Variants in MYO1E observed in about 807,000 individuals in gnomAD.
The protein encoded by MYO1E is myosin IE, also known as unconventional myosin-Ie.
A neutral mutation model predicts 151.1 loss-of-function variants in MYO1E; 68 were observed. The observed-to-expected ratio is 0.45, with a 90% CI of 0.37 to 0.55. MYO1E has a LOEUF of 0.55. MYO1E is among the 20% of genes least tolerant of loss of function. The pLI is 0.00. For missense variants in MYO1E, 1,363 were observed against 1,389.3 expected, an observed-to-expected ratio of 0.98 and a Z score of 0.30; for synonymous variants, 601 against 501.7, an observed-to-expected ratio of 1.20 and a Z score of -2.64.
At chr15:59,284,148 G>C (rs1478018922) in intron 1 of MYO1E, among the ~76,000 whole-genome samples, 6 of 152,204 alleles carry the variant, frequency 3.9e-5, no homozygotes, top group Non-Finnish European at 5.9e-5. Flanking sequence ...CTGGGGCATG[G>C]GAGTGCCCAA....
At chr15:59,236,419 CAAACACACAT>C (rs1382636760) in intron 5 of MYO1E, among the ~76,000 whole-genome samples, 156 bp downstream of exon 5, 5 of 137,838 alleles carry the variant, frequency 3.6e-5, no homozygotes, top group African/African-American at 1.4e-4. Flanking sequence ...CACACACACA[CAAACACACAT>C]ACATATGCTA....
intron 4 of MYO1E, among the ~76,000 whole-genome samples, chr15:59,245,092 G>T (rs537185668): frequency 1.3e-5 from 2 of 152,302 alleles, no homozygotes; most frequent in Non-Finnish European, 2.9e-5. Flanking sequence ...GGGATGGCGA[G>T]GTCAAAGGCC....
intron 25 of MYO1E, among the ~76,000 whole-genome samples, chr15:59,155,988 G>A (rs1338613227): frequency 6.6e-6 from 1 of 152,040 alleles, no homozygotes; most frequent in Admixed American, 6.5e-5. Context: ...TCATGTCTCA[G>A]CCTTGTGAGT....
chr15:59,250,087 G>C (rs1350005227), intron 4 of MYO1E, among the ~76,000 whole-genome samples: 1 of 143,758 alleles, frequency 7.0e-6, no homozygotes, highest in African/African-American at 2.8e-5. Flanking sequence ...CACAGCCCTG[G>C]TGCAGAAGAG....
At chr15:59,252,447 G>T (rs1041319756) in intron 4 of MYO1E, among the ~76,000 whole-genome samples, 3 of 152,160 alleles carry the variant, frequency 2.0e-5, no homozygotes, top group Admixed American at 6.5e-5. Context: ...GGGTGCAGTG[G>T]CTCATGCCTG....
intron 1 of MYO1E, among the ~76,000 whole-genome samples, chr15:59,337,168 G>A (rs6494099): frequency 0.5 from 75,976 of 152,064 alleles, 23,197 homozygotes; most frequent in African/African-American, 0.83. Flanking sequence ...GAATATTTCC[G>A]TTTTACAGAT....
chr15:59,338,779 T>C (rs1257613428), intron 1 of MYO1E, among the ~76,000 whole-genome samples: 1 of 152,192 alleles, frequency 6.6e-6, no homozygotes, highest in Non-Finnish European at 1.5e-5. Flanking sequence ...TGAAACTACC[T>C]ACAAAGGTCT....
rs200872403 is a variant in MYO1E at position 59,236,420 on chromosome 15, A to G, written c.420+165T>C. 8.9e-4 allele frequency among the ~76,000 whole-genome samples: 128 copies of G among 144,516 alleles called. 1 individual carries two copies. The East Asian group carries it at 0.022, about 25-fold the overall frequency. 94.8% of individuals were successfully genotyped at this position (144,516 alleles called of 152,430 possible). ...CACACACACACACACACACACACACAAACACACATACATATGCTATTCCTT... is the reference window on the plus strand; with the variant it reads ...CACACACACACACACACACACACACGAACACACATACATATGCTATTCCTT... On this transcript the variant is annotated intron_variant, in intron 5 of 27. Transcript: ENST00000288235.
chr15:59,216,691 T>TACACAC (rs199582846), intron 10 of MYO1E, among the ~76,000 whole-genome samples: 755 of 56,494 alleles, frequency 0.013, 9 homozygotes, highest in Non-Finnish European at 0.015. Context: ...TATATACACA[T>TACACAC]ACACACACAC....
At chr15:59,145,883 C>A (rs542614757) in intron 26 of MYO1E, among the ~76,000 whole-genome samples, 15 of 152,290 alleles carry the variant, frequency 9.8e-5, no homozygotes, top group African/African-American at 3.6e-4. Flanking sequence ...ACAGTTCAGG[C>A]CTTTTCCTCC....
chr15:59,305,415 G>C (rs562329404), intron 1 of MYO1E, among the ~76,000 whole-genome samples: 1 of 151,938 alleles, frequency 6.6e-6, no homozygotes, highest in Non-Finnish European at 1.5e-5. Flanking sequence ...GGCTGGTCTC[G>C]AACTCCTGAG....
At chr15:59,206,877 C>T (rs2079838150) in intron 14 of MYO1E, 4 of 1,506,946 alleles carry the variant, frequency 2.7e-6, no homozygotes, top group African/African-American at 1.4e-5. Flanking sequence ...GCTCTCTTGG[C>T]GTCTCAACGT....
chr15:59,211,558 A>C (rs1175028979), intron 12 of MYO1E, among the ~76,000 whole-genome samples: 1 of 152,110 alleles, frequency 6.6e-6, no homozygotes, highest in Non-Finnish European at 1.5e-5. Flanking sequence ...TCCAGACTCA[A>C]ATCCATTCTA....
intron 4 of MYO1E, among the ~76,000 whole-genome samples, chr15:59,254,612 T>C (rs1433590847): frequency 2.0e-5 from 3 of 152,180 alleles, no homozygotes; most frequent in South Asian, 4.1e-4. Context: ...ATAATAGATA[T>C]ACAGGGACAC....
chr15:59,314,907 G>T (rs531845146), intron 1 of MYO1E, among the ~76,000 whole-genome samples: 1 of 152,152 alleles, frequency 6.6e-6, no homozygotes, highest in Non-Finnish European at 1.5e-5. Flanking sequence ...TGTTACCACA[G>T]GCGGGGTGGC....
intron 21 of MYO1E, among the ~76,000 whole-genome samples, chr15:59,173,496 T>C (rs1429956796): frequency 6.6e-6 from 1 of 152,118 alleles, no homozygotes; most frequent in Non-Finnish European, 1.5e-5. Context: ...TATATCTCAT[T>C]TTTTGTAAAA....
chr15:59,291,110 T>G (rs2080416055), intron 1 of MYO1E, among the ~76,000 whole-genome samples: 1 of 152,218 alleles, frequency 6.6e-6, no homozygotes, highest in Non-Finnish European at 1.5e-5. Flanking sequence ...ACCACAAGCA[T>G]ATCTGCAAAA....
intron 1 of MYO1E, among the ~76,000 whole-genome samples, chr15:59,306,565 T>C (rs1221499020): frequency 1.3e-5 from 2 of 152,234 alleles, no homozygotes; most frequent in Non-Finnish European, 2.9e-5. Flanking sequence ...CAAATTGCCA[T>C]GGGGTTGCTC....
chr15:59,255,150 T>C (rs1370496025), intron 4 of MYO1E, among the ~76,000 whole-genome samples: 1 of 152,220 alleles, frequency 6.6e-6, no homozygotes, highest in Non-Finnish European at 1.5e-5. Flanking sequence ...GGTCTTGCTC[T>C]GTTACCCAGG....
Sources: allele counts gnomAD v4.1 joint callset (sites outside exome capture counted in the v4.1 genomes callset), GRCh38; gene constraint gnomAD v4.1.1; transcripts MANE v1.5; gene names NCBI Gene and HGNC (gene_info 2026-07-23, HGNC 2026-07-21).